Variants in RARB observed in about 807,000 individuals in gnomAD.
The protein encoded by RARB is retinoic acid receptor beta.
A neutral mutation model predicts 51.9 loss-of-function variants in RARB; 17 were observed. The ratio of observed to expected loss-of-function variants is 0.33; its 90% confidence interval spans 0.22 to 0.49. The LOEUF (loss-of-function observed/expected upper bound fraction) is 0.49, where lower values mean the gene tolerates loss of function less well. Among genes scored for constraint, RARB ranks in the 20% least tolerant of loss-of-function variants. The pLI, the probability that RARB is intolerant of heterozygous loss-of-function variation, is 0.99. For missense variants in RARB, 369 were observed against 550.8 expected (o/e 0.67, Z 3.30); for synonymous variants, 215 against 195.4 (o/e 1.10, Z -0.84).
At chr3:25,064,246 T>G (rs1257734372) in intron 3 of RARB, among the ~76,000 whole-genome samples, 1 of 152,144 alleles carries the variant, frequency 6.6e-6, no homozygotes. Flanking sequence ...TGGCAATAGA[T>G]TTCCATTTTT....
At chr3:24,889,904 G>T (rs1329037952) in intron 2 of RARB, among the ~76,000 whole-genome samples, 3 of 145,740 alleles carry the variant, frequency 2.1e-5, no homozygotes, top group African/African-American at 7.8e-5. Flanking sequence ...ATAAGAGCAG[G>T]CATGAAAAAA....
chr3:25,544,776 C>T (rs1028879441), intron 3 of RARB, among the ~76,000 whole-genome samples: 8 of 152,286 alleles, frequency 5.3e-5, no homozygotes. Context: ...TTTCTTTTTG[C>T]CTTCCCTCTT....
chr3:24,890,599 A>C (rs1332326336), intron 2 of RARB, among the ~76,000 whole-genome samples: 18 of 152,084 alleles, frequency 1.2e-4, no homozygotes, highest in Non-Finnish European at 8.8e-5. Flanking sequence ...GGGGGCAACT[A>C]CCCCTCAAAA....
intron 5 of RARB, among the ~76,000 whole-genome samples, chr3:25,206,426 A>G (rs936579679): frequency 6.6e-6 from 1 of 152,194 alleles, no homozygotes; most frequent in Non-Finnish European, 1.5e-5. Flanking sequence ...ACTGCTTTAC[A>G]CTGAGGATTT....
In RARB at chr3:25,473,232, G is replaced by C. The variant is rs570481101; in HGVS notation, c.306+11891G>C. Among the ~76,000 whole-genome samples the C allele has an allele frequency of 9.5e-4, 144 of 151,806 alleles. 1 individual carries two copies. Among genetic ancestry groups the C allele is most frequent in the African/African-American group, 3.4e-3 (139 of 41,376 alleles). On this transcript the variant is annotated intron_variant, in intron 2 of 7. Transcript: ENST00000330688. ...AGTATTTTTCCACTTCAGAAAGGAA[G>C]ATTAAATGTGTCATATGGATAAGCA... is the stretch of plus-strand genomic sequence containing the variant.
chr3:24,993,739 T>A (rs1028180296), intron 2 of RARB, among the ~76,000 whole-genome samples: 15 of 152,140 alleles, frequency 9.9e-5, no homozygotes, highest in African/African-American at 3.4e-4. Context: ...TTTTAGCTTT[T>A]GCCTGAGAAC....
intron 3 of RARB, among the ~76,000 whole-genome samples, chr3:25,121,202 C>A (rs1007403193): frequency 6.6e-6 from 1 of 152,168 alleles, no homozygotes; most frequent in Admixed American, 6.5e-5. Context: ...GGGCAGAGTT[C>A]CCCAGGTGGA....
chr3:25,143,308 G>T (rs1434105699), intron 4 of RARB, among the ~76,000 whole-genome samples: 8 of 152,212 alleles, frequency 5.3e-5, no homozygotes. Flanking sequence ...GTGAGTTGCT[G>T]AGGCACTGTA....
intron 3 of RARB, among the ~76,000 whole-genome samples, chr3:25,100,802 A>G (rs1699385564): frequency 6.6e-6 from 1 of 152,184 alleles, no homozygotes; most frequent in Non-Finnish European, 1.5e-5. Context: ...ACAGGGTTAT[A>G]TACCAAGATT....
At chr3:24,958,929 T>C (rs1474337169) in intron 2 of RARB, among the ~76,000 whole-genome samples, 1 of 152,190 alleles carries the variant, frequency 6.6e-6, no homozygotes, top group East Asian at 1.9e-4. Flanking sequence ...CCCGCAGCTC[T>C]CAAACCCTTG....
At chr3:24,994,392 A>G (rs774006575) in intron 2 of RARB, among the ~76,000 whole-genome samples, 29 of 152,060 alleles carry the variant, frequency 1.9e-4, no homozygotes, top group Non-Finnish European at 2.9e-4. Context: ...TATATTCTGG[A>G]TATTAATCCC....
rs78577994 is a variant in RARB at position 25,100,169 on chromosome 3, T to A, written c.-327-31992T>A. Among the ~76,000 whole-genome samples the A allele has an allele frequency of 6.1e-4, 93 of 152,220 alleles. No homozygotes were observed. In the East Asian group the frequency reaches 0.016, roughly 27 times the overall value. The stretch of plus-strand genomic sequence containing the variant: ...ATTATCACTTTAAATGTGGTGAAAA[T>A]CAAAACAGACAACATATCCGTTTTT... On this transcript the variant is annotated intron_variant, in intron 3 of 11. Coordinates refer to the RARB transcript ENST00000383772.
At chr3:25,293,445 G>C (rs1460623966) in intron 5 of RARB, among the ~76,000 whole-genome samples, 1 of 151,800 alleles carries the variant, frequency 6.6e-6, no homozygotes, top group Non-Finnish European at 1.5e-5. Context: ...CATTTTTAAT[G>C]CTTCTTTTTG....
At chr3:25,348,052 G>C (rs1020040452) in intron 5 of RARB, among the ~76,000 whole-genome samples, 1 of 152,058 alleles carries the variant, frequency 6.6e-6, no homozygotes, top group Admixed American at 6.5e-5. Flanking sequence ...TTCCAGTCTT[G>C]TGTGGCCAAC....
At chr3:25,100,650 ACT>A (rs568460481) in intron 3 of RARB, among the ~76,000 whole-genome samples, 306 of 152,200 alleles carry the variant, frequency 2.0e-3, no homozygotes, top group African/African-American at 7.0e-3. Context: ...ATGAGAGATA[ACT>A]CTGCTATTTT....
At chr3:25,438,583 T>A (rs1708532089) in intron 1 of RARB, among the ~76,000 whole-genome samples, 1 of 152,122 alleles carries the variant, frequency 6.6e-6, no homozygotes, top group Non-Finnish European at 1.5e-5. Context: ...ATTTTACAGA[T>A]GAGGAAATGG....
chr3:25,005,060 T>C (rs1559430333), intron 2 of RARB, among the ~76,000 whole-genome samples: 1 of 152,176 alleles, frequency 6.6e-6, no homozygotes, highest in Non-Finnish European at 1.5e-5. Context: ...TTGGTAAAGC[T>C]AGTGTTTCTA....
At chr3:25,310,305 G>A (rs562662534) in intron 5 of RARB, among the ~76,000 whole-genome samples, 21 of 152,312 alleles carry the variant, frequency 1.4e-4, no homozygotes, top group African/African-American at 5.1e-4. Flanking sequence ...TTAAGTGGTT[G>A]AGGTTTGAGC....
chr3:25,393,234 G>A (rs1707022327), intron 5 of RARB, among the ~76,000 whole-genome samples: 1 of 151,986 alleles, frequency 6.6e-6, no homozygotes, highest in Non-Finnish European at 1.5e-5. Context: ...TCCTTAGTAT[G>A]AAACCCACTT....
Sources: allele counts gnomAD v4.1 joint callset (sites outside exome capture counted in the v4.1 genomes callset), GRCh38; gene constraint gnomAD v4.1.1; transcripts MANE v1.5; gene names NCBI Gene and HGNC (gene_info 2026-07-23, HGNC 2026-07-21).